CRPPA: variants seen among roughly 807,000 people sequenced by gnomAD.
CRPPA encodes the protein D-ribitol-5-phosphate cytidylyltransferase.
Under a neutral mutation model 52.0 loss-of-function variants are expected in CRPPA, and 43 were observed. The ratio of observed to expected loss-of-function variants is 0.83; its 90% CI spans 0.65 to 1.07. The LOEUF (loss-of-function observed/expected upper bound fraction) is 1.07. Among genes scored for constraint, CRPPA ranks in the 50% least tolerant of loss-of-function variants. The pLI, the probability that CRPPA is intolerant of heterozygous loss-of-function variation, is 0.00. For synonymous variants in CRPPA, 250 were observed against 203.5 expected, an observed-to-expected ratio of 1.23 and a Z score of -1.94; for missense variants, 629 against 551.7, an observed-to-expected ratio of 1.14 and a Z score of -1.40.
At chr7:16,164,919 C>A (rs1054545441) in intron 9 of CRPPA, among the ~76,000 whole-genome samples, 2 of 151,996 alleles carry the variant, frequency 1.3e-5, no homozygotes, top group African/African-American at 4.8e-5. Context: ...CCAGCCAGAG[C>A]CCTCCTGTAG....
chr7:16,379,184 T>G (rs1309097625), intron 2 of CRPPA, among the ~76,000 whole-genome samples: 1 of 152,242 alleles, frequency 6.6e-6, no homozygotes, highest in African/African-American at 2.4e-5. Flanking sequence ...TTCTTGCCCA[T>G]GCCTATGTCC....
At chr7:16,106,859 G>A (rs1782162563) in intron 9 of CRPPA, among the ~76,000 whole-genome samples, 1 of 151,876 alleles carries the variant, frequency 6.6e-6, no homozygotes, top group Non-Finnish European at 1.5e-5. Context: ...AAAGTTCAGT[G>A]AACTATAAGA....
intron 9 of CRPPA, among the ~76,000 whole-genome samples, chr7:16,212,644 G>A (rs548045937): frequency 6.6e-6 from 1 of 152,330 alleles, no homozygotes; most frequent in South Asian, 2.1e-4. Flanking sequence ...ATGTCTGTGT[G>A]TCAGAGTGAG....
intron 6 of CRPPA, among the ~76,000 whole-genome samples, chr7:16,265,580 T>C (rs963153459): frequency 1.3e-5 from 2 of 152,210 alleles, no homozygotes; most frequent in South Asian, 2.1e-4. Context: ...TCTTTGAATA[T>C]ATGTAAAGAC....
chr7:16,347,064 C>T (rs1462693199), intron 3 of CRPPA, among the ~76,000 whole-genome samples: 1 of 152,056 alleles, frequency 6.6e-6, no homozygotes, highest in African/African-American at 2.4e-5. Context: ...CTAATAAATA[C>T]TTCCAATATC....
intron 9 of CRPPA, among the ~76,000 whole-genome samples, chr7:16,172,257 T>C (rs979496956): frequency 6.6e-6 from 1 of 152,202 alleles, no homozygotes; most frequent in South Asian, 2.1e-4. Flanking sequence ...TTGGTGTTCA[T>C]TGTTCTGAAG....
intron 9 of CRPPA, among the ~76,000 whole-genome samples, chr7:16,111,713 C>T (rs1035619353): frequency 1.3e-5 from 2 of 152,112 alleles, no homozygotes; most frequent in Non-Finnish European, 2.9e-5. Flanking sequence ...GGAATCTAAA[C>T]AACTGAATTA....
intron 9 of CRPPA, among the ~76,000 whole-genome samples, chr7:16,192,184 G>A (rs1781628721): frequency 6.6e-6 from 1 of 152,024 alleles, no homozygotes; most frequent in Admixed American, 6.6e-5. Flanking sequence ...GATGGTGCGG[G>A]TGATAAGGTA....
At chr7:16,278,616 T>C (rs532351078) in intron 5 of CRPPA, among the ~76,000 whole-genome samples, 2 of 152,366 alleles carry the variant, frequency 1.3e-5, no homozygotes, top group Non-Finnish European at 2.9e-5. Context: ...CTTTAGGCCA[T>C]AGGTTATCTC....
chr7:16,283,632 G>T (rs778798307), intron 5 of CRPPA, among the ~76,000 whole-genome samples: 1 of 151,418 alleles, frequency 6.6e-6, no homozygotes, highest in African/African-American at 2.4e-5. Flanking sequence ...GAATAATTTT[G>T]GGGGTAATTT....
At chr7:16,154,187 A>G (rs1783129813) in intron 9 of CRPPA, among the ~76,000 whole-genome samples, 1 of 152,042 alleles carries the variant, frequency 6.6e-6, no homozygotes. Context: ...AAATTTAAAT[A>G]TAAATACATT....
At chr7:16,126,667 A>G (rs1782587476) in intron 9 of CRPPA, among the ~76,000 whole-genome samples, 1 of 152,228 alleles carries the variant, frequency 6.6e-6, no homozygotes, top group South Asian at 2.1e-4. Context: ...GAAAAACTCA[A>G]TAGAAGACTA....
Position 16,421,341 on chromosome 7 carries a change from G to T in CRPPA, c.-19C>A, listed in dbSNP as rs1415371405. Reference sequence around the variant, plus strand: ...CCTCCATGGCTGCGGGCGGAACGGCGAGCCCCGCTAGCCTCGGGCCGATGC... The same window carrying T: ...CCTCCATGGCTGCGGGCGGAACGGCTAGCCCCGCTAGCCTCGGGCCGATGC... On this transcript the variant is annotated 5_prime_UTR_variant, in exon 1 of 10. Coordinates refer to ENST00000407010, the MANE Select transcript of CRPPA (RefSeq NM_001101426.4). 1 of 1,239,624 alleles carries T rather than the reference G, an allele frequency of 8.1e-7. No homozygotes were observed. The highest frequency in any genetic ancestry group is 1.0e-6 in the Non-Finnish European group (1 of 989,910). The allele number at this position is 1,239,624 out of a possible 1,614,324, so 76.8% of individuals were successfully genotyped here.
At chr7:16,285,113 A>C (rs1304716025) in intron 5 of CRPPA, among the ~76,000 whole-genome samples, 2 of 152,210 alleles carry the variant, frequency 1.3e-5, no homozygotes, top group African/African-American at 4.8e-5. Flanking sequence ...AGGTTAATGA[A>C]ATCAAAACAA....
chr7:16,324,840 C>A (rs572559650), intron 3 of CRPPA, among the ~76,000 whole-genome samples: 1 of 152,166 alleles, frequency 6.6e-6, no homozygotes, highest in African/African-American at 2.4e-5. Context: ...ATACTTGGAA[C>A]ATCAAATGAG....
At chr7:16,239,998 A>G (rs534600672) in intron 8 of CRPPA, among the ~76,000 whole-genome samples, 2 of 152,182 alleles carry the variant, frequency 1.3e-5, no homozygotes, top group South Asian at 4.1e-4. Context: ...ATGCCCTATG[A>G]GAATCATTTC....
intron 9 of CRPPA, among the ~76,000 whole-genome samples, chr7:16,105,372 GA>G (rs1351857841): frequency 6.6e-6 from 1 of 152,238 alleles, no homozygotes; most frequent in African/African-American, 2.4e-5. Context: ...AATGCCAGAT[GA>G]AAAGAATTTC....
At chr7:16,415,041 A>T (rs1454371588) in intron 1 of CRPPA, among the ~76,000 whole-genome samples, 1 of 152,218 alleles carries the variant, frequency 6.6e-6, no homozygotes, top group Non-Finnish European at 1.5e-5. Flanking sequence ...TTAGCTTGTA[A>T]ATCTCCATTT....
chr7:16,109,595 A>G (rs771010345), intron 9 of CRPPA, among the ~76,000 whole-genome samples: 1 of 152,008 alleles, frequency 6.6e-6, no homozygotes, highest in Non-Finnish European at 1.5e-5. Context: ...ACAAAATACT[A>G]GCAAACCGAA....
Sources: allele counts gnomAD v4.1 joint callset (sites outside exome capture counted in the v4.1 genomes callset), GRCh38; gene constraint gnomAD v4.1.1; transcripts MANE v1.5; gene names NCBI Gene and HGNC (gene_info 2026-07-23, HGNC 2026-07-21).